Variants in ANO2 observed in about 807,000 individuals in gnomAD.
ANO2 encodes the protein anoctamin 2.
ANO2 carries 101 observed loss-of-function variants against 124.2 expected under a neutral mutation model. The ratio of observed to expected loss-of-function variants is 0.81; its 90% CI spans 0.69 to 0.96. The LOEUF (loss-of-function observed/expected upper bound fraction) is 0.96. Ranked by LOEUF, ANO2 falls within the 40% of genes least tolerant of loss-of-function variation. The pLI is 0.00. For missense variants in ANO2, 1,293 were observed against 1,274.5 expected, an observed-to-expected ratio of 1.01 and a Z score of -0.22; for synonymous variants, 486 against 482.5, an observed-to-expected ratio of 1.01 and a Z score of -0.09.
Position 5,565,764 on chromosome 12 carries a change from G to A in ANO2, c.2622-101C>T, listed in dbSNP as rs552248454. The A allele has an allele frequency of 3.3e-5, 30 of 905,046 alleles. No individual in the cohort carries two copies. In the Admixed American group the frequency reaches 4.4e-4, roughly 13 times the overall value. The allele number at this position is 905,046 out of a possible 1,614,324, so 56.1% of individuals were successfully genotyped here. A position where few individuals can be genotyped will look rare whatever the true frequency, so the allele number is the denominator to read the frequency against. ...GAGGGCTGGCTGGAGCATCAGGCAC[G>A]CATGCCCTTGGCATTGACTTGAGAA... On this transcript the variant is annotated intron_variant, in intron 23 of 24. Transcript: ENST00000682330.
intron 19 of ANO2, among the ~76,000 whole-genome samples, chr12:5,610,597 ATATT>A (rs1215837326): frequency 7.0e-6 from 1 of 142,862 alleles, no homozygotes; most frequent in Non-Finnish European, 1.5e-5. Flanking sequence ...ATTTATAAAT[ATATT>A]TATATTTATA....
chr12:5,747,137 C>T (rs540095103), intron 11 of ANO2, among the ~76,000 whole-genome samples: 2 of 152,328 alleles, frequency 1.3e-5, no homozygotes, highest in South Asian at 2.1e-4. Context: ...AAGAAGTGCA[C>T]GCTGGGCCCC....
chr12:5,764,271 T>A (rs1026321034), intron 10 of ANO2, among the ~76,000 whole-genome samples: 9 of 152,204 alleles, frequency 5.9e-5, no homozygotes, highest in Admixed American at 6.5e-5. Flanking sequence ...AATTTTATCT[T>A]TTCATCTGAC....
intron 14 of ANO2, among the ~76,000 whole-genome samples, chr12:5,701,740 G>A (rs985091231): frequency 2.0e-5 from 3 of 152,164 alleles, no homozygotes; most frequent in East Asian, 1.9e-4. Context: ...GAAGTCACAT[G>A]TACCTAAACT....
At chr12:5,827,341 G>C (rs999357147) in intron 7 of ANO2, among the ~76,000 whole-genome samples, 1 of 151,266 alleles carries the variant, frequency 6.6e-6, no homozygotes, top group Non-Finnish European at 1.5e-5. Context: ...GCTTAGGACA[G>C]TCATGACCCC....
At chr12:5,723,126 T>G (rs1430127195) in intron 14 of ANO2, among the ~76,000 whole-genome samples, 2 of 152,160 alleles carry the variant, frequency 1.3e-5, no homozygotes, top group Non-Finnish European at 2.9e-5. Context: ...TCCTTTCTCA[T>G]TTCCCAAGGC....
intron 10 of ANO2, among the ~76,000 whole-genome samples, chr12:5,778,132 TGA>T (rs1952283096): frequency 6.8e-6 from 1 of 147,988 alleles, no homozygotes; most frequent in African/African-American, 2.5e-5. Context: ...TAATATTTAT[TGA>T]GTGTCTACTC....
At chr12:5,644,257 A>G (rs1430415217) in intron 15 of ANO2, among the ~76,000 whole-genome samples, 1 of 152,226 alleles carries the variant, frequency 6.6e-6, no homozygotes, top group Non-Finnish European at 1.5e-5. Context: ...CTGTCCCAGA[A>G]GCACTTACTG....
At chr12:5,725,121 ACAC>A in intron 14 of ANO2, among the ~76,000 whole-genome samples, 1 of 143,208 alleles carries the variant, frequency 7.0e-6, no homozygotes. Flanking sequence ...ACACACACAC[ACAC>A]GCAAACACAA....
At chr12:5,825,203 A>C (rs1591660383) in intron 7 of ANO2, among the ~76,000 whole-genome samples, 1 of 152,286 alleles carries the variant, frequency 6.6e-6, no homozygotes, top group East Asian at 1.9e-4. Context: ...CATGGAATTC[A>C]CTGGTCTTAC....
intron 10 of ANO2, among the ~76,000 whole-genome samples, chr12:5,785,656 TACACAC>T (rs71445677): frequency 2.7e-5 from 4 of 149,606 alleles, no homozygotes; most frequent in Non-Finnish European, 6.0e-5. Context: ...AGTCCTCTTG[TACACAC>T]ACACACACAC....
intron 1 of ANO2, among the ~76,000 whole-genome samples, chr12:5,935,241 C>T (rs1942597532): frequency 6.6e-6 from 1 of 152,002 alleles, no homozygotes; most frequent in African/African-American, 2.4e-5. Context: ...GTATCCTAAG[C>T]CCTGAGCATA....
At chr12:5,887,188 A>T (rs951965255) in intron 3 of ANO2, among the ~76,000 whole-genome samples, 1 of 152,148 alleles carries the variant, frequency 6.6e-6, no homozygotes, top group Non-Finnish European at 1.5e-5. Context: ...GATTTTTTTT[A>T]AAGCAGAGAG....
intron 14 of ANO2, among the ~76,000 whole-genome samples, chr12:5,727,248 C>T (rs1950474353): frequency 6.6e-6 from 1 of 151,984 alleles, no homozygotes; most frequent in Non-Finnish European, 1.5e-5. Flanking sequence ...TGTGGCACCA[C>T]CTCCCCTATA....
chr12:5,714,046 T>G (rs1292380709), intron 14 of ANO2, among the ~76,000 whole-genome samples: 1 of 152,188 alleles, frequency 6.6e-6, no homozygotes, highest in Non-Finnish European at 1.5e-5. Context: ...TCTGAGTAAC[T>G]TCCCCGCTTC....
intron 16 of ANO2, among the ~76,000 whole-genome samples, chr12:5,623,021 T>C (rs1033581519): frequency 1.3e-5 from 2 of 148,898 alleles, no homozygotes; most frequent in Non-Finnish European, 3.0e-5. Context: ...AGAAATGGAA[T>C]GGAGCAAGTG....
intron 14 of ANO2, among the ~76,000 whole-genome samples, chr12:5,668,139 A>C (rs559088213): frequency 6.6e-6 from 1 of 152,320 alleles, no homozygotes; most frequent in South Asian, 2.1e-4. Context: ...ACTATCTTCC[A>C]CAATAGTTTA....
At chr12:5,892,816 CTT>C (rs1029898616) in intron 3 of ANO2, among the ~76,000 whole-genome samples, 4 of 152,154 alleles carry the variant, frequency 2.6e-5, no homozygotes, top group African/African-American at 9.7e-5. Context: ...CAAAAGGAAA[CTT>C]AGAACATCAG....
In ANO2 at chr12:5,703,130, A is replaced by C. The variant is rs192977332; in HGVS notation, c.1545+29390T>G. On this transcript the variant is annotated intron_variant, in intron 14 of 24. Coordinates refer to ENST00000682330, the MANE Select transcript of ANO2 (RefSeq NM_001364791.2). Reference sequence around the variant, plus strand: ...GGAAACTGGGTAAATAAATGATGGCATATTAATCCATAGAATATGGTAATT... The same window carrying C: ...GGAAACTGGGTAAATAAATGATGGCCTATTAATCCATAGAATATGGTAATT... 2.0e-5 allele frequency among the ~76,000 whole-genome samples: 3 copies of C among 152,222 alleles called. No homozygotes were observed. In the East Asian group the frequency reaches 5.8e-4, roughly 29 times the overall value.
Sources: allele counts gnomAD v4.1 joint callset (sites outside exome capture counted in the v4.1 genomes callset), GRCh38; gene constraint gnomAD v4.1.1; transcripts MANE v1.5; gene names NCBI Gene and HGNC (gene_info 2026-07-23, HGNC 2026-07-21).